Variants in LRP1B observed in about 807,000 individuals in gnomAD.
LRP1B encodes LDL receptor related protein 1B.
A neutral mutation model predicts 556.6 loss-of-function variants in LRP1B; 217 were observed. The observed-to-expected ratio is 0.39, with a 90% confidence interval of 0.35 to 0.44. The LOEUF is 0.44. LRP1B is among the 20% of genes least tolerant of loss of function. The probability of loss-of-function intolerance (pLI) is 1.00; values close to 1 mark genes in which losing one functional copy is unlikely to be tolerated. For synonymous variants in LRP1B, 2,047 were observed against 1,865.8 expected, an observed-to-expected ratio of 1.10 and a Z score of -2.50; for missense variants, 5,053 against 5,620.8, an observed-to-expected ratio of 0.90 and a Z score of 3.23.
intron 1 of LRP1B, among the ~76,000 whole-genome samples, chr2:141,855,746 T>G (rs189945112): frequency 6.6e-6 from 1 of 152,208 alleles, no homozygotes; most frequent in East Asian, 1.9e-4. Flanking sequence ...TCCTCCTCCC[T>G]TACGCCACAT....
At chr2:140,713,726 C>G (rs1687117605) in intron 37 of LRP1B, among the ~76,000 whole-genome samples, 1 of 152,078 alleles carries the variant, frequency 6.6e-6, no homozygotes, top group Admixed American at 6.6e-5. Context: ...ATGTGTACCT[C>G]GTGTACCTAC....
chr2:141,031,368 C>G, intron 11 of LRP1B, among the ~76,000 whole-genome samples: 1 of 151,138 alleles, frequency 6.6e-6, no homozygotes, highest in East Asian at 1.9e-4. Flanking sequence ...TACTTAGTTA[C>G]CTCAGATGGA....
intron 3 of LRP1B, among the ~76,000 whole-genome samples, chr2:141,327,549 T>G (rs1256153221): frequency 1.3e-5 from 2 of 152,212 alleles, no homozygotes; most frequent in Middle Eastern, 3.2e-3. Flanking sequence ...AAACAAATTT[T>G]TCTTTCTACT....
chr2:140,322,044 G>A lies in LRP1B; in HGVS notation c.12559C>T (p.Leu4187=), dbSNP rs770073688. The change falls in exon 82 of 91, where the codon CTA becomes TTA. Residue 4187 remains leucine (L), a synonymous_variant. Transcript: ENST00000389484. ...ACACAAGTGGCCCCAGAAGGATTTAGCAAGCAAAGAAATTCGCATGCTAAA... is the reference window on the plus strand; with the variant it reads ...ACACAAGTGGCCCCAGAAGGATTTAACAAGCAAAGAAATTCGCATGCTAAA... ...LDLACEFLCL[L]NPSGATCVCP... 2 of 1,612,870 alleles carry A rather than the reference G, an allele frequency of 1.2e-6. No individual in the cohort carries two copies. Among genetic ancestry groups the A allele is most frequent in the Admixed American group, 3.3e-5 (2 of 59,820 alleles).
chr2:140,524,167 T>C (rs1601484), intron 49 of LRP1B, among the ~76,000 whole-genome samples: 67,934 of 151,420 alleles, frequency 0.45, 15,871 homozygotes, highest in Middle Eastern at 0.68. Flanking sequence ...GGGTCGAGTA[T>C]AGAAACAGAC....
At chr2:140,241,468 T>TA (rs1351958923) in intron 87 of LRP1B, among the ~76,000 whole-genome samples, 1 of 150,948 alleles carries the variant, frequency 6.6e-6, no homozygotes, top group East Asian at 1.9e-4. Context: ...AATCATTTTT[T>TA]AAAAATAGAT....
intron 1 of LRP1B, among the ~76,000 whole-genome samples, chr2:142,006,778 C>T (rs13382469): frequency 0.054 from 8,174 of 151,996 alleles, 232 homozygotes; most frequent in African/African-American, 0.067. Context: ...TACTGGTTTG[C>T]TTTCCAAGGG....
chr2:141,869,913 A>T (rs1160815), intron 1 of LRP1B, among the ~76,000 whole-genome samples: 1 of 151,876 alleles, frequency 6.6e-6, no homozygotes, highest in Non-Finnish European at 1.5e-5. Context: ...AGTTTAAATA[A>T]ATTTTAATGA....
At chr2:140,353,520 T>C (rs72894090) in intron 75 of LRP1B, among the ~76,000 whole-genome samples, 4,789 of 152,190 alleles carry the variant, frequency 0.031, 88 homozygotes, top group South Asian at 0.066. Flanking sequence ...CCTACCTCCA[T>C]GCCTTCGAAG....
chr2:140,644,006 T>C (rs1006973965), intron 41 of LRP1B, among the ~76,000 whole-genome samples: 1 of 152,236 alleles, frequency 6.6e-6, no homozygotes, highest in Non-Finnish European at 1.5e-5. Flanking sequence ...GCATTGAATC[T>C]TGAACATCTC....
intron 35 of LRP1B, among the ~76,000 whole-genome samples, chr2:140,761,398 T>G (rs1429633240): frequency 6.6e-6 from 1 of 152,178 alleles, no homozygotes; most frequent in African/African-American, 2.4e-5. Context: ...TGGTATTCAC[T>G]CCTTCTCTAG....
intron 37 of LRP1B, among the ~76,000 whole-genome samples, chr2:140,712,947 G>C (rs1054276991): frequency 4.6e-5 from 7 of 151,664 alleles, no homozygotes; most frequent in Admixed American, 3.3e-4. Context: ...TGTTGTTGTT[G>C]TTCTTTTTTT....
intron 1 of LRP1B, among the ~76,000 whole-genome samples, chr2:141,857,502 T>TAA (rs147374005): frequency 0.099 from 14,867 of 150,186 alleles, 809 homozygotes; most frequent in South Asian, 0.17. Flanking sequence ...CCAGCTAAAT[T>TAA]AAAAAAAAAA....
At chr2:141,781,677 A>T (rs1695258767) in intron 2 of LRP1B, among the ~76,000 whole-genome samples, 1 of 152,190 alleles carries the variant, frequency 6.6e-6, no homozygotes, top group African/African-American at 2.4e-5. Context: ...CTTCTTGCAG[A>T]TTACAAATAG....
At chr2:141,901,823 G>A (rs1316485462) in intron 1 of LRP1B, among the ~76,000 whole-genome samples, 1 of 151,736 alleles carries the variant, frequency 6.6e-6, no homozygotes, top group African/African-American at 2.4e-5. Flanking sequence ...GTTGAACAGT[G>A]CAACATAATA....
intron 1 of LRP1B, among the ~76,000 whole-genome samples, chr2:142,026,522 C>A (rs1390274649): frequency 6.6e-6 from 1 of 151,984 alleles, no homozygotes; most frequent in Non-Finnish European, 1.5e-5. Context: ...TTTTTTCTAT[C>A]TCAACAAACC....
At chr2:140,697,379 T>C (rs960880488) in intron 41 of LRP1B, among the ~76,000 whole-genome samples, 3 of 152,048 alleles carry the variant, frequency 2.0e-5, no homozygotes, top group African/African-American at 7.2e-5. Context: ...TCATGAAATA[T>C]AAATCCTACT....
At chr2:140,495,029 T>G (rs1688856668) in intron 56 of LRP1B, among the ~76,000 whole-genome samples, 1 of 152,276 alleles carries the variant, frequency 6.6e-6, no homozygotes, top group Non-Finnish European at 1.5e-5. Context: ...CTTTATTAAA[T>G]GTATAATTTA....
intron 1 of LRP1B, among the ~76,000 whole-genome samples, chr2:141,923,487 T>G (rs66529007): frequency 0.024 from 1,372 of 58,038 alleles, 14 homozygotes; most frequent in Middle Eastern, 0.037. Flanking sequence ...TGTGTGTGTG[T>G]AGAGAGAGGG....
Sources: allele counts gnomAD v4.1 joint callset (sites outside exome capture counted in the v4.1 genomes callset), GRCh38; gene constraint gnomAD v4.1.1; transcripts MANE v1.5; gene names NCBI Gene and HGNC (gene_info 2026-07-23, HGNC 2026-07-21).